ZMIZ1: variants seen among roughly 807,000 people sequenced by gnomAD.
ZMIZ1 encodes zinc finger MIZ-type containing 1.
A neutral mutation model predicts 113.9 loss-of-function variants in ZMIZ1; 17 were observed. The observed-to-expected ratio is 0.15, with a 90% CI of 0.10 to 0.22. ZMIZ1 has a LOEUF of 0.22. ZMIZ1 is among the 10% of genes least tolerant of loss of function. The pLI is 1.00. For synonymous variants in ZMIZ1, 607 were observed against 603.1 expected, an observed-to-expected ratio of 1.01 and a Z score of -0.09; for missense variants, 1,059 against 1,477.8, an observed-to-expected ratio of 0.72 and a Z score of 4.65.
At chr10:79,082,039 C>A (rs527841811) in intron 1 of ZMIZ1, among the ~76,000 whole-genome samples, 2 of 152,380 alleles carry the variant, frequency 1.3e-5, no homozygotes, top group East Asian at 3.9e-4. Flanking sequence ...CTAGCCAGTG[C>A]CCAGCCCTGC....
rs538877873 is a variant in ZMIZ1 at position 79,201,607 on chromosome 10, G to C, written c.-26G>C. 2 of 1,612,960 alleles carry C rather than the reference G, an allele frequency of 1.2e-6. No homozygotes were observed. Among genetic ancestry groups the C allele is most frequent in the South Asian group, 2.2e-5 (2 of 90,924 alleles). ...AGGCTGGACAACGTTCATGGCTCTC[G>C]GGTAGAACCTAGTGAAACGGCCAGA... is the stretch of plus-strand genomic sequence containing the variant. On this transcript the variant is annotated 5_prime_UTR_variant, in exon 5 of 25. Coordinates refer to ENST00000334512, the MANE Select transcript of ZMIZ1 (RefSeq NM_020338.4).
At chr10:79,244,982 C>G (rs536325703) in intron 7 of ZMIZ1, among the ~76,000 whole-genome samples, 2 of 152,174 alleles carry the variant, frequency 1.3e-5, no homozygotes, top group Non-Finnish European at 2.9e-5. Flanking sequence ...AGCCTTTCCC[C>G]TTTTTTTGTG....
intron 3 of ZMIZ1, among the ~76,000 whole-genome samples, chr10:79,143,374 G>T (rs1314639642): frequency 6.6e-6 from 1 of 152,048 alleles, no homozygotes; most frequent in Non-Finnish European, 1.5e-5. Context: ...CTATCCCTCT[G>T]CTCTGGCTGA....
intron 1 of ZMIZ1, among the ~76,000 whole-genome samples, chr10:79,111,713 C>G (rs961526280): frequency 6.6e-6 from 1 of 152,216 alleles, no homozygotes; most frequent in African/African-American, 2.4e-5. Context: ...CTTGCCCCTT[C>G]CCTCACCTTA....
At chr10:79,177,604 G>A (rs1846928193) in intron 4 of ZMIZ1, among the ~76,000 whole-genome samples, 1 of 152,242 alleles carries the variant, frequency 6.6e-6, no homozygotes, top group Non-Finnish European at 1.5e-5. Context: ...GCCCCGGGAT[G>A]TCCTCACAGG....
chr10:79,227,472 TC>T (rs1318165535), intron 7 of ZMIZ1, among the ~76,000 whole-genome samples: 3 of 152,162 alleles, frequency 2.0e-5, no homozygotes, highest in African/African-American at 7.2e-5. Context: ...AGCCCCCTAA[TC>T]ACCAGTTCTG....
intron 1 of ZMIZ1, among the ~76,000 whole-genome samples, chr10:79,086,315 T>C (rs1842812681): frequency 6.6e-6 from 1 of 152,058 alleles, no homozygotes; most frequent in Non-Finnish European, 1.5e-5. Context: ...CCCTCAGCCT[T>C]CTCCTCCTCC....
intron 3 of ZMIZ1, among the ~76,000 whole-genome samples, chr10:79,141,527 C>T (rs1338791089): frequency 6.6e-6 from 1 of 152,104 alleles, no homozygotes; most frequent in Non-Finnish European, 1.5e-5. Flanking sequence ...CCCACCTCAG[C>T]CCCCTGAGTA....
At chr10:79,308,195 C>T (rs911236219) in intron 23 of ZMIZ1, among the ~76,000 whole-genome samples, 1 of 152,288 alleles carries the variant, frequency 6.6e-6, no homozygotes, top group Admixed American at 6.5e-5. Flanking sequence ...CCCTGGAGTC[C>T]TCATCCAGTG....
At chr10:79,312,213 G>A (rs970968204) in intron 24 of ZMIZ1, among the ~76,000 whole-genome samples, 1 of 152,250 alleles carries the variant, frequency 6.6e-6, no homozygotes, top group Admixed American at 6.5e-5. Context: ...AGGGATGTTG[G>A]GGGGTTGGGG....
intron 6 of ZMIZ1, among the ~76,000 whole-genome samples, chr10:79,215,395 G>A (rs896383782): frequency 1.3e-5 from 2 of 151,748 alleles, no homozygotes; most frequent in African/African-American, 4.9e-5. Flanking sequence ...CCCATCCCAG[G>A]TCCAAGCGAT....
intron 1 of ZMIZ1, among the ~76,000 whole-genome samples, chr10:79,110,959 T>G (rs978068088): frequency 6.6e-6 from 1 of 152,266 alleles, no homozygotes; most frequent in Admixed American, 6.5e-5. Context: ...TGCACTCACC[T>G]GTGCTTCCAG....
At chr10:79,306,372 G>A in intron 22 of ZMIZ1, 28 bp downstream of exon 22, 6 of 1,601,290 alleles carry the variant, frequency 3.7e-6, no homozygotes, top group Non-Finnish European at 5.1e-6. Context: ...GGGAGGAAGG[G>A]AGAAGGAGGG....
At chr10:79,150,274 G>A (rs1469896002) in intron 3 of ZMIZ1, among the ~76,000 whole-genome samples, 1 of 152,222 alleles carries the variant, frequency 6.6e-6, no homozygotes. Flanking sequence ...ATTCTCTACG[G>A]CTGGCACTTC....
chr10:79,137,222 C>T (rs1195570788), intron 2 of ZMIZ1, among the ~76,000 whole-genome samples: 1 of 152,188 alleles, frequency 6.6e-6, no homozygotes, highest in East Asian at 1.9e-4. Context: ...GATGGCCCAG[C>T]CTTGGGGTCC....
chr10:79,097,997 T>C (rs1043913794), intron 1 of ZMIZ1, among the ~76,000 whole-genome samples: 1 of 152,180 alleles, frequency 6.6e-6, no homozygotes, highest in African/African-American at 2.4e-5. Context: ...CAAGCATTGA[T>C]TGAGTCCCTG....
intron 7 of ZMIZ1, among the ~76,000 whole-genome samples, chr10:79,227,480 T>A (rs1849239273): frequency 6.6e-6 from 1 of 152,194 alleles, no homozygotes; most frequent in South Asian, 2.1e-4. Context: ...AATCACCAGT[T>A]CTGAGACCTT....
intron 5 of ZMIZ1, among the ~76,000 whole-genome samples, chr10:79,202,309 A>G (rs1848134502): frequency 6.6e-6 from 1 of 151,798 alleles, no homozygotes; most frequent in Admixed American, 6.6e-5. Context: ...TTTAAAAATA[A>G]GAACCCATTA....
Position 79,312,868 on chromosome 10 carries a change from G to A in ZMIZ1, c.*119G>A. On this transcript the variant is annotated 3_prime_UTR_variant, in exon 25 of 25. Coordinates refer to ENST00000334512, the MANE Select transcript of ZMIZ1 (RefSeq NM_020338.4). Reference sequence around the variant, plus strand: ...CCCCGCACCAGAGCCACGGGCTGTGGGGCGGGGAGCCCTCCCCCGCTGCAG... The same window carrying A: ...CCCCGCACCAGAGCCACGGGCTGTGAGGCGGGGAGCCCTCCCCCGCTGCAG... The A allele has an allele frequency of 1.1e-6, 1 of 927,732 alleles. No homozygotes were observed. Among genetic ancestry groups the A allele is most frequent in the East Asian group, 2.5e-5 (1 of 40,288 alleles). The allele number at this position is 927,732 out of a possible 1,614,324, so 57.5% of individuals were successfully genotyped here. A position where few individuals can be genotyped will look rare whatever the true frequency, so the allele number is the denominator to read the frequency against.
Sources: gnomAD v4.1 joint callset for allele counts (sites outside exome capture counted in the v4.1 genomes callset) on GRCh38, gnomAD v4.1.1 for gene constraint, MANE v1.5 for transcripts, NCBI Gene and HGNC (gene_info 2026-07-23, HGNC 2026-07-21) for gene names.